The following CCL26 variants were observed in gnomAD, a reference collection of about 807,000 sequenced individuals.
CCL26 encodes C-C motif chemokine 26.
Under a neutral mutation model 10.7 loss-of-function variants are expected in CCL26, and 10 were observed. The observed-to-expected ratio is 0.93, with a 90% CI of 0.57 to 1.58. The LOEUF (loss-of-function observed/expected upper bound fraction) is 1.58, where lower values mean the gene tolerates loss of function less well. Among genes scored for constraint, CCL26 ranks in the 40% most tolerant of loss-of-function variants. The pLI is 0.00. For synonymous variants in CCL26, 43 were observed against 41.4 expected (o/e 1.04, Z -0.15); for missense variants, 116 against 111.0 (o/e 1.05, Z -0.20).
intron 2 of CCL26, among the ~76,000 whole-genome samples, chr7:75,771,498 A>G (rs1166667541): frequency 6.6e-6 from 1 of 152,146 alleles, no homozygotes. Flanking sequence ...AGGCGGGCAA[A>G]TCACATGAGC....
chr7:75,769,736 A>G lies in CCL26; in HGVS notation c.242T>C (p.Val81Ala). ...KVCTHPRKKW[V>A]QKYISLLKTP... ...TTTCAGTAAAGAAATGTATTTTTGC[A>G]CCCATTTTTTCCTTGGATGGGTACA... The change falls in exon 3 of 3, where the codon GTG becomes GCG. Residue 81 changes from valine to alanine, a missense_variant. Physicochemically the swap from Val to Ala is moderately conservative, Grantham distance 64. Transcript: ENST00000005180. 2 of 1,613,140 alleles carry G rather than the reference A, an allele frequency of 1.2e-6. No homozygotes were observed. The highest frequency in any genetic ancestry group is 1.3e-5 in the African/African-American group (1 of 74,998).
intron 1 of CCL26, among the ~76,000 whole-genome samples, chr7:75,781,404 C>T (rs1803060101): frequency 6.6e-6 from 1 of 152,228 alleles, no homozygotes; most frequent in Non-Finnish European, 1.5e-5. Context: ...TCCAGAACCT[C>T]CTACCCCAGG....
At position 75,769,723 on chromosome 7, in the gene CCL26, A is replaced by C; in HGVS notation, c.255T>G (p.Ile85Met). 6.2e-7 allele frequency: 1 copy of C among 1,612,496 alleles called. No individual in the cohort carries two copies. The highest frequency in any genetic ancestry group is 1.7e-4 in the Middle Eastern group (1 of 6,054). Residue 85 changes from isoleucine (I) to methionine (M), a missense_variant, in exon 3 of 3, where the codon ATT becomes ATG. By Grantham distance (10) the Ile-to-Met change is conservative (BLOSUM62 1). Coordinates refer to ENST00000005180, the MANE Select transcript of CCL26 (RefSeq NM_001371938.1). ...HPRKKWVQKYISLLKTPKQL is the reference protein window; with the variant it reads ...HPRKKWVQKYMSLLKTPKQL ...ATTGTTTCGGAGTTTTCAGTAAAGA[A>C]ATGTATTTTTGCACCCATTTTTTCC...
chr7:75,772,750 G>A (rs1360951857), upstream of CCL26, among the ~76,000 whole-genome samples: 1 of 152,068 alleles, frequency 6.6e-6, no homozygotes, highest in African/African-American at 2.4e-5. Context: ...GACAAAAAAA[G>A]AAGAGAATTT....
chr7:75,790,218 T>TCTTTCTTTCTTTCTCTCTTC (rs1554530641), upstream of CCL26, among the ~76,000 whole-genome samples: 1 of 66,802 alleles, frequency 1.5e-5, no homozygotes, highest in Non-Finnish European at 3.1e-5. Flanking sequence ...TTTCTTTCTT[T>TCTTTCTTTCTTTCTCTCTTC]CTTCCTTCCT....
At chr7:75,772,546 A>G (rs1473065874), upstream of CCL26, among the ~76,000 whole-genome samples, 4 of 151,450 alleles carry the variant, frequency 2.6e-5, no homozygotes, top group Non-Finnish European at 4.4e-5. Context: ...AATCCCAGCT[A>G]CTCCTGAGGG....
chr7:75,790,218 T>TCTTTCTTTCTTC (rs1554530641), upstream of CCL26, among the ~76,000 whole-genome samples: 1,587 of 66,716 alleles, frequency 0.024, 70 homozygotes, highest in South Asian at 0.035. Context: ...TTTCTTTCTT[T>TCTTTCTTTCTTC]CTTCCTTCCT....
intron 1 of CCL26, among the ~76,000 whole-genome samples, chr7:75,781,576 G>A (rs373770215): frequency 2.6e-5 from 4 of 152,264 alleles, no homozygotes; most frequent in East Asian, 3.9e-4. Context: ...CATATCCCCA[G>A]TGACCTGCAC....
chr7:75,769,669 T>A lies in CCL26; in HGVS notation c.*24A>T. On this transcript the variant is annotated 3_prime_UTR_variant, in exon 3 of 3. Coordinates refer to ENST00000005180, the MANE Select transcript of CCL26 (RefSeq NM_001371938.1). ...CAGAGCCAAGAGCGGGGTCCAAGCG[T>A]CCTCGGATGAAAATTCAGCTGAGTC... 6.7e-7 allele frequency: 1 copy of A among 1,503,412 alleles called. No homozygotes were observed. The highest frequency in any genetic ancestry group is 9.3e-7 in the Non-Finnish European group (1 of 1,079,084). The allele number at this position is 1,503,412 out of a possible 1,614,324, so 93.1% of individuals were successfully genotyped here.
chr7:75,773,803 A>C (rs1446278819), upstream of CCL26, among the ~76,000 whole-genome samples: 1 of 151,928 alleles, frequency 6.6e-6, no homozygotes, highest in Non-Finnish European at 1.5e-5. Context: ...GAGTCACTTG[A>C]ACCTGGGGGG....
chr7:75,781,057 C>T (rs922767955), intron 1 of CCL26, among the ~76,000 whole-genome samples: 2 of 152,192 alleles, frequency 1.3e-5, no homozygotes, highest in Non-Finnish European at 2.9e-5. Flanking sequence ...TATGAAAAAC[C>T]CAGCCCAGTT....
chr7:75,770,799 C>T lies in CCL26; in HGVS notation c.189-1010G>A, dbSNP rs11465344. 7.6e-3 allele frequency among the ~76,000 whole-genome samples: 1,156 copies of T among 152,176 alleles called. 13 individuals carry two copies. Among genetic ancestry groups the T allele is most frequent in the African/African-American group, 0.027 (1,111 of 41,522 alleles). ...CAAGCGATTCTCCTGCCTCAGCCTC[C>T]GGAGTAACTGGGCTTACAGGCCTGC... On this transcript the variant is annotated intron_variant, in intron 2 of 2. Coordinates refer to ENST00000005180, the MANE Select transcript of CCL26 (RefSeq NM_001371938.1).
intron 1 of CCL26, among the ~76,000 whole-genome samples, chr7:75,777,525 A>C (rs1471788243): frequency 6.6e-6 from 1 of 151,990 alleles, no homozygotes; most frequent in Non-Finnish European, 1.5e-5. Context: ...AGATAGGAGG[A>C]TCGCTTGAGC....
chr7:75,789,118 A>G (rs1803267119), intron 1 of CCL26, among the ~76,000 whole-genome samples: 2 of 119,268 alleles, frequency 1.7e-5, no homozygotes, highest in African/African-American at 6.9e-5. Context: ...TTTTTTGTAG[A>G]GATGTGGCGG....
chr7:75,770,620 A>T (rs918212226), intron 2 of CCL26, among the ~76,000 whole-genome samples: 1 of 151,510 alleles, frequency 6.6e-6, no homozygotes, highest in Admixed American at 6.6e-5. Flanking sequence ...ACCTCAGGAG[A>T]TCTGCCCACC....
chr7:75,776,903 C>T (rs1052466606), upstream of CCL26, among the ~76,000 whole-genome samples: 1 of 152,056 alleles, frequency 6.6e-6, no homozygotes, highest in Non-Finnish European at 1.5e-5. Context: ...ACTCTATAAT[C>T]GAGCAATTCC....
At position 75,772,103 on chromosome 7, in the gene CCL26, C is replaced by T. The variant is rs782096702; in HGVS notation, c.73+1G>A. 4.6e-5 allele frequency: 73 copies of T among 1,584,046 alleles called. No individual in the cohort carries two copies. In the East Asian group the frequency reaches 4.9e-4, roughly 11 times the overall value. On this transcript the variant is annotated splice_donor_variant, in intron 1 of 2. Coordinates refer to ENST00000005180, the MANE Select transcript of CCL26 (RefSeq NM_001371938.1). LOFTEE classifies it high-confidence loss of function. ...AGGAGGGGAATGGGCCAGCTACGTACGTGTGGCAGTTCCAAGGTGGAGACT... is the reference window on the plus strand; with the variant it reads ...AGGAGGGGAATGGGCCAGCTACGTATGTGTGGCAGTTCCAAGGTGGAGACT...
At chr7:75,788,050 A>G (rs1200997866) in intron 1 of CCL26, among the ~76,000 whole-genome samples, 1 of 152,036 alleles carries the variant, frequency 6.6e-6, no homozygotes, top group Non-Finnish European at 1.5e-5. Context: ...TTCTCGAAGC[A>G]GCCCTGAGAA....
At chr7:75,787,134 A>G (rs1218727143) in intron 1 of CCL26, among the ~76,000 whole-genome samples, 2 of 152,148 alleles carry the variant, frequency 1.3e-5, no homozygotes, top group African/African-American at 4.8e-5. Context: ...CCTTTCCCAC[A>G]GGGTCTGAGA....
Sources: gnomAD v4.1 joint callset for allele counts (sites outside exome capture counted in the v4.1 genomes callset) on GRCh38, gnomAD v4.1.1 for gene constraint, MANE v1.5 for transcripts, NCBI Gene and HGNC (gene_info 2026-07-23, HGNC 2026-07-21) for gene names.